Variants in FARS2 observed in about 807,000 individuals in gnomAD.
The protein encoded by FARS2 is phenylalanine--tRNA ligase, mitochondrial.
In FARS2, 40 loss-of-function variants were observed where a neutral mutation model predicts 46.4. The ratio of observed to expected loss-of-function variants is 0.86; its 90% CI spans 0.67 to 1.12. FARS2 has a LOEUF of 1.12. FARS2 is among the 50% of genes most tolerant of loss of function. FARS2 has a pLI of 0.00. For synonymous variants in FARS2, 234 were observed against 214.9 expected (o/e 1.09, Z -0.78); for missense variants, 513 against 567.9 (o/e 0.90, Z 0.98).
chr6:5,444,820 G>T (rs1032275865), intron 4 of FARS2, among the ~76,000 whole-genome samples: 5 of 152,078 alleles, frequency 3.3e-5, no homozygotes, highest in African/African-American at 1.2e-4. Flanking sequence ...AAGCTTGCTC[G>T]TGGCTCTTTC....
chr6:5,296,314 T>A (rs900320455), intron 1 of FARS2, among the ~76,000 whole-genome samples: 23 of 151,864 alleles, frequency 1.5e-4, no homozygotes, highest in African/African-American at 5.6e-4. Context: ...GCTAATTTTT[T>A]GTATTTTTAG....
the FARS2 span, among the ~76,000 whole-genome samples, chr6:5,252,826 G>A: frequency 6.6e-6 from 1 of 150,986 alleles, no homozygotes; most frequent in African/African-American, 2.4e-5. Context: ...GCATAAGCAT[G>A]AGAGGAACAC....
intron 4 of FARS2, chr6:5,466,718 G>T: frequency 3.1e-6 from 3 of 982,750 alleles, no homozygotes; most frequent in Non-Finnish European, 3.6e-6. Context: ...TTTCCTTCCA[G>T]AGAGTCGAAT....
chr6:5,592,342 C>A (rs1392295858), intron 5 of FARS2, among the ~76,000 whole-genome samples: 1 of 151,526 alleles, frequency 6.6e-6, no homozygotes, highest in Non-Finnish European at 1.5e-5. Context: ...GCCGTGATCA[C>A]GCCACTATAC....
At chr6:5,447,812 A>G (rs532237322) in intron 4 of FARS2, among the ~76,000 whole-genome samples, 2 of 152,364 alleles carry the variant, frequency 1.3e-5, no homozygotes, top group Admixed American at 6.5e-5. Context: ...ACAAGGCACA[A>G]CTGCCCTTAA....
chr6:5,362,872 T>C (rs1002115502), intron 1 of FARS2, among the ~76,000 whole-genome samples: 1 of 152,062 alleles, frequency 6.6e-6, no homozygotes, highest in African/African-American at 2.4e-5. Context: ...TGACCATTTA[T>C]ATGTCTTCTT....
intron 4 of FARS2, among the ~76,000 whole-genome samples, chr6:5,464,870 A>C (rs1452086403): frequency 6.6e-6 from 1 of 152,234 alleles, no homozygotes; most frequent in Non-Finnish European, 1.5e-5. Context: ...CATGAAAATA[A>C]CAAAATGAAC....
At chr6:5,397,994 T>C (rs1321037448) in intron 2 of FARS2, among the ~76,000 whole-genome samples, 1 of 152,188 alleles carries the variant, frequency 6.6e-6, no homozygotes, top group African/African-American at 2.4e-5. Flanking sequence ...AAAAATGCCA[T>C]GGAGATTTTG....
rs141815695 is a variant in FARS2 at position 5,572,334 on chromosome 6, T to C, written c.1065+26994T>C. 5.2e-3 allele frequency among the ~76,000 whole-genome samples: 795 copies of C among 152,058 alleles called. 8 individuals carry two copies. The highest frequency in any genetic ancestry group is 0.024 in the Middle Eastern group (7 of 294). ...GGGGTGGGGAGGTGCCACACACTTT[T>C]AAATGACCAGATCTCACAAGAATTC... On this transcript the variant is annotated intron_variant, in intron 5 of 6. Transcript: ENST00000274680.
intron 6 of FARS2, among the ~76,000 whole-genome samples, chr6:5,669,124 G>A (rs1410549189): frequency 1.3e-5 from 2 of 152,176 alleles, no homozygotes; most frequent in Non-Finnish European, 2.9e-5. Context: ...TGCAGTCCCT[G>A]AAAAAACAAA....
chr6:5,250,725 G>GT, the FARS2 span, among the ~76,000 whole-genome samples: 1 of 88,126 alleles, frequency 1.1e-5, no homozygotes, highest in Non-Finnish European at 2.2e-5. Flanking sequence ...CAGAACAAAC[G>GT]TAAGAACTGA....
intron 6 of FARS2, among the ~76,000 whole-genome samples, chr6:5,770,649 C>T (rs750158235): frequency 1.8e-4 from 27 of 152,310 alleles, no homozygotes; most frequent in Middle Eastern, 3.4e-3. Flanking sequence ...AAATAGAAGG[C>T]CCTACTGCTG....
At chr6:5,405,570 G>A (rs1761537102) in intron 3 of FARS2, among the ~76,000 whole-genome samples, 1 of 137,542 alleles carries the variant, frequency 7.3e-6, no homozygotes, top group Non-Finnish European at 1.5e-5. Flanking sequence ...TCAGCTCACT[G>A]CAAGCTCTGC....
chr6:5,446,090 C>A (rs1764171756), intron 4 of FARS2, among the ~76,000 whole-genome samples: 1 of 151,872 alleles, frequency 6.6e-6, no homozygotes, highest in Non-Finnish European at 1.5e-5. Flanking sequence ...GTAGTCCCAG[C>A]TACTCAGGAG....
At chr6:5,534,179 G>A (rs921452918) in intron 4 of FARS2, among the ~76,000 whole-genome samples, 5 of 152,132 alleles carry the variant, frequency 3.3e-5, no homozygotes, top group African/African-American at 1.2e-4. Context: ...AAAAATATAT[G>A]TATGTTGTTT....
At position 5,669,082 on chromosome 6, in the gene FARS2, T is replaced by C. The variant is rs970529049; in HGVS notation, c.1217+55762T>C. On this transcript the variant is annotated intron_variant, in intron 6 of 6. Transcript: ENST00000274680. ...ATAATAGTGCACAGTGCTTTCAAGG[T>C]TATATTTTAATAATCAATATAAGGT... Among the ~76,000 whole-genome samples, 11 of 152,286 alleles carry C rather than the reference T, an allele frequency of 7.2e-5. No individual in the cohort carries two copies. The East Asian group carries it at 1.9e-3, about 27-fold the overall frequency.
Position 5,771,384 on chromosome 6 carries a change from G to A in FARS2, c.1311G>A (p.Leu437=), listed in dbSNP as rs148155284. 6.2e-7 allele frequency: 1 copy of A among 1,614,134 alleles called. No homozygotes were observed. Among genetic ancestry groups the A allele is most frequent in the African/African-American group, 1.3e-5 (1 of 74,958 alleles). The part of the protein sequence containing the change: ...QREVRHIHQA[L]QEAAVQLLGV... The stretch of plus-strand genomic sequence containing the variant: ...AGGTCAGGCACATCCACCAGGCCTT[G>A]CAGGAGGCTGCAGTCCAGCTGTTGG... The change falls in exon 7 of 7, where the codon TTG becomes TTA. Residue 437 remains leucine, a synonymous_variant. Transcript: ENST00000274680.
intron 6 of FARS2, among the ~76,000 whole-genome samples, chr6:5,705,737 T>G (rs763592556): frequency 3.9e-5 from 6 of 152,208 alleles, no homozygotes; most frequent in Non-Finnish European, 7.3e-5. Context: ...TCCCATTTCT[T>G]GAACACCTCC....
At chr6:5,689,796 G>A (rs1295192554) in intron 6 of FARS2, among the ~76,000 whole-genome samples, 4 of 152,114 alleles carry the variant, frequency 2.6e-5, no homozygotes, top group Non-Finnish European at 5.9e-5. Context: ...GTTGACCGTG[G>A]GGTGTTAAAG....
Sources: gnomAD v4.1 joint callset for allele counts (sites outside exome capture counted in the v4.1 genomes callset) on GRCh38, gnomAD v4.1.1 for gene constraint, MANE v1.5 for transcripts, NCBI Gene and HGNC (gene_info 2026-07-23, HGNC 2026-07-21) for gene names.